The following MAP2K5 variants were observed in gnomAD, a reference collection of about 807,000 sequenced individuals.
MAP2K5 encodes dual specificity mitogen-activated protein kinase kinase 5.
Under a neutral mutation model 83.1 loss-of-function variants are expected in MAP2K5, and 49 were observed. That is an observed-to-expected ratio of 0.59 (90% CI 0.47 to 0.75). MAP2K5 has a LOEUF of 0.75. Among genes scored for constraint, MAP2K5 ranks in the 30% least tolerant of loss-of-function variants. The pLI, the probability that MAP2K5 is intolerant of heterozygous loss-of-function variation, is 0.00. For missense variants in MAP2K5, 457 were observed against 557.5 expected (o/e 0.82, Z 1.82); for synonymous variants, 202 against 191.8 (o/e 1.05, Z -0.44).
rs1460194024 is a variant in MAP2K5 at position 67,565,876 on chromosome 15, C to T, written c.252+2526C>T. The stretch of plus-strand genomic sequence containing the variant: ...CCTCCTGCCTCAGCCTCCCAAGGTG[C>T]TGGAATTACAGGCGTGAGCCAAGGT... On this transcript the variant is annotated intron_variant, in intron 3 of 21. Transcript: ENST00000178640. This position sits in a 1 kb window ranked among gnomAD's most constrained non-coding sequence, Gnocchi z 4.1. Among the ~76,000 whole-genome samples, 1 of 152,156 alleles carries T rather than the reference C, an allele frequency of 6.6e-6. No individual in the cohort carries two copies. The highest frequency in any genetic ancestry group is 1.5e-5 in the Non-Finnish European group (1 of 68,016).
intron 17 of MAP2K5, among the ~76,000 whole-genome samples, chr15:67,734,094 GACTT>G (rs1431321669): frequency 6.6e-6 from 1 of 152,200 alleles, no homozygotes; most frequent in East Asian, 1.9e-4. Context: ...CTGCTAGTGA[GACTT>G]ACTCATAGGT....
chr15:67,643,134 G>A (rs538045644), intron 9 of MAP2K5, among the ~76,000 whole-genome samples: 1 of 152,214 alleles, frequency 6.6e-6, no homozygotes, highest in South Asian at 2.1e-4. Flanking sequence ...TAGGTATTAC[G>A]ATATGAGGCC....
rs2084976316 is a variant in MAP2K5 at position 67,572,869 on chromosome 15, T to G, written c.253-7885T>G. Among the ~76,000 whole-genome samples, 1 of 152,064 alleles carries G rather than the reference T, an allele frequency of 6.6e-6. No homozygotes were observed. The highest frequency in any genetic ancestry group is 2.4e-5 in the African/African-American group (1 of 41,398). Reference sequence around the variant, plus strand: ...ACCTGCTACCACGCCCAGCTAAGTTTTGTATTTTTAGTAGAGACGGGTTTT... The same window carrying G: ...ACCTGCTACCACGCCCAGCTAAGTTGTGTATTTTTAGTAGAGACGGGTTTT... On this transcript the variant is annotated intron_variant, in intron 3 of 21. Transcript: ENST00000178640. This position sits in a 1 kb window ranked among gnomAD's most constrained non-coding sequence, Gnocchi z 4.2.
At chr15:67,604,535 T>C (rs2085735918) in intron 8 of MAP2K5, among the ~76,000 whole-genome samples, 1 of 152,182 alleles carries the variant, frequency 6.6e-6, no homozygotes, top group African/African-American at 2.4e-5. Context: ...ATTAGCTACG[T>C]AACCTTTGGC....
Position 67,706,018 on chromosome 15 carries a change from G to C in MAP2K5, c.1044+2610G>C, listed in dbSNP as rs185508818. On this transcript the variant is annotated intron_variant, in intron 16 of 21. Transcript: ENST00000178640. ...CTAAGGACTTTAGGTATTACTCTTA[G>C]AAGAAATGATCTGACTTAAATTTTC... Among the ~76,000 whole-genome samples, 38 of 152,302 alleles carry C rather than the reference G, an allele frequency of 2.5e-4. 1 individual carries two copies. Among genetic ancestry groups the C allele is most frequent in the Admixed American group, 2.1e-3 (32 of 15,302 alleles).
intron 13 of MAP2K5, among the ~76,000 whole-genome samples, chr15:67,671,590 A>G (rs1237733878): frequency 6.6e-6 from 1 of 152,204 alleles, no homozygotes; most frequent in African/African-American, 2.4e-5. Context: ...TATTATAATT[A>G]ATAAGGAATT....
At chr15:67,605,941 A>G (rs1295366735) in intron 8 of MAP2K5, among the ~76,000 whole-genome samples, 2 of 152,260 alleles carry the variant, frequency 1.3e-5, no homozygotes, top group African/African-American at 2.4e-5. Context: ...GGAGATTGAT[A>G]TTCGAATGAT....
Position 67,586,886 on chromosome 15 carries a change from C to T in MAP2K5, c.404C>T (p.Ala135Val). The change falls in exon 6 of 22, where the codon GCA becomes GTA. Residue 135 changes from alanine to valine, a missense_variant. Ala to Val is a moderately conservative substitution (Grantham distance 64). Coordinates refer to ENST00000178640, the MANE Select transcript of MAP2K5 (RefSeq NM_145160.3). ...GGACCCTCTCAACACAGCAGCCCAG[C>T]AGTCTCAGATTCACTTCCAAGCAAT... The part of the protein sequence containing the change: ...RAGPSQHSSP[A>V]VSDSLPSNSL... 1 of 1,614,164 alleles carries T rather than the reference C, an allele frequency of 6.2e-7. No individual in the cohort carries two copies. Among genetic ancestry groups the T allele is most frequent in the Non-Finnish European group, 8.5e-7 (1 of 1,180,036 alleles).
intron 8 of MAP2K5, among the ~76,000 whole-genome samples, chr15:67,626,748 A>T (rs1433696466): frequency 6.6e-6 from 1 of 151,180 alleles, no homozygotes; most frequent in Non-Finnish European, 1.5e-5. Context: ...AACTTAAAAA[A>T]AATTAGCCAG....
chr15:67,639,245 C>A lies in MAP2K5; in HGVS notation c.586-6986C>A, dbSNP rs142152033. Reference sequence around the variant, plus strand: ...TATGCATCTGACAGAGTTCTAATATCCCTTTCTTTTCCTTACACCACTCTA... The same window carrying A: ...TATGCATCTGACAGAGTTCTAATATACCTTTCTTTTCCTTACACCACTCTA... On this transcript the variant is annotated intron_variant, in intron 9 of 21. Transcript: ENST00000178640. Among the ~76,000 whole-genome samples the A allele has an allele frequency of 5.9e-3, 900 of 152,296 alleles. 16 individuals carry two copies. Among genetic ancestry groups the A allele is most frequent in the African/African-American group, 0.021 (856 of 41,570 alleles).
chr15:67,614,652 A>G (rs1217540284), intron 8 of MAP2K5, among the ~76,000 whole-genome samples: 4 of 152,210 alleles, frequency 2.6e-5, no homozygotes, highest in African/African-American at 9.7e-5. Flanking sequence ...TAGACCATAT[A>G]TTAAAAGACA....
intron 8 of MAP2K5, among the ~76,000 whole-genome samples, chr15:67,617,854 C>A (rs906534062): frequency 5.3e-5 from 8 of 152,088 alleles, no homozygotes; most frequent in African/African-American, 1.9e-4. Flanking sequence ...CCATGCCCAG[C>A]TAATTTTTTT....
intron 13 of MAP2K5, among the ~76,000 whole-genome samples, chr15:67,687,818 A>G (rs1340498443): frequency 6.6e-6 from 1 of 152,094 alleles, no homozygotes; most frequent in Non-Finnish European, 1.5e-5. Flanking sequence ...ACCAGACACC[A>G]TTCTAGATGT....
chr15:67,682,182 CAAG>C (rs1216377452), intron 13 of MAP2K5, among the ~76,000 whole-genome samples: 3 of 147,972 alleles, frequency 2.0e-5, no homozygotes, highest in Admixed American at 1.3e-4. Flanking sequence ...TGAAAACAAA[CAAG>C]AAAAAAAAAT....
At chr15:67,634,383 A>AT (rs1567324811) in intron 9 of MAP2K5, among the ~76,000 whole-genome samples, 1,080 of 64,090 alleles carry the variant, frequency 0.017, 22 homozygotes, top group Non-Finnish European at 0.025. Context: ...AAAAAAAAAA[A>AT]AAAAAAAAAA....
At chr15:67,627,948 AT>A in intron 8 of MAP2K5, 6 of 767,654 alleles carry the variant, frequency 7.8e-6, no homozygotes, top group Non-Finnish European at 1.1e-5. Context: ...CTGAGGAGCC[AT>A]TTTAAGCAAT....
chr15:67,674,360 A>G (rs2087626504), intron 13 of MAP2K5, among the ~76,000 whole-genome samples: 1 of 152,202 alleles, frequency 6.6e-6, no homozygotes, highest in African/African-American at 2.4e-5. Context: ...CACAGTTAAC[A>G]TCCTATCTCC....
At chr15:67,803,586 CCT>C (rs1010080190) in intron 21 of MAP2K5, among the ~76,000 whole-genome samples, 27 of 152,270 alleles carry the variant, frequency 1.8e-4, no homozygotes, top group African/African-American at 6.5e-4. Context: ...GCTCCTAACC[CCT>C]GTCTTCCCTC....
chr15:67,641,928 G>A (rs778939029), intron 9 of MAP2K5, among the ~76,000 whole-genome samples: 6 of 152,210 alleles, frequency 3.9e-5, no homozygotes, highest in Non-Finnish European at 7.3e-5. Context: ...TCCACCCAGA[G>A]TGCCAAGTCT....
Sources: allele counts gnomAD v4.1 joint callset (sites outside exome capture counted in the v4.1 genomes callset), GRCh38; gene constraint gnomAD v4.1.1; non-coding constraint Gnocchi (gnomAD v3.1); transcripts MANE v1.5; gene names NCBI Gene and HGNC (gene_info 2026-07-23, HGNC 2026-07-21).